The following PTPRO variants were observed in gnomAD, a reference collection of about 807,000 sequenced individuals.
The protein encoded by PTPRO is protein tyrosine phosphatase receptor type O.
In PTPRO, 62 loss-of-function variants were observed where a neutral mutation model predicts 145.2. The ratio of observed to expected loss-of-function variants is 0.43; its 90% confidence interval spans 0.35 to 0.53. The LOEUF is 0.53. Among genes scored for constraint, PTPRO ranks in the 20% least tolerant of loss-of-function variants. The pLI, the probability that PTPRO is intolerant of heterozygous loss-of-function variation, is 0.01. For missense variants in PTPRO, 1,345 were observed against 1,482.7 expected, an observed-to-expected ratio of 0.91 and a Z score of 1.53; for synonymous variants, 565 against 514.7, an observed-to-expected ratio of 1.10 and a Z score of -1.32.
chr12:15,555,335 A>G (rs1388401544), intron 15 of PTPRO, among the ~76,000 whole-genome samples: 1 of 152,210 alleles, frequency 6.6e-6, no homozygotes, highest in African/African-American at 2.4e-5. Context: ...AAGGCCCTGC[A>G]TTAATCACTG....
intron 12 of PTPRO, among the ~76,000 whole-genome samples, chr12:15,529,515 T>C (rs1199223226): frequency 6.6e-6 from 1 of 150,604 alleles, no homozygotes; most frequent in Non-Finnish European, 1.5e-5. Flanking sequence ...TGGTGACACA[T>C]GCCTGTGGTC....
intron 12 of PTPRO, among the ~76,000 whole-genome samples, chr12:15,529,706 CT>C (rs1241114964): frequency 4.6e-5 from 7 of 152,020 alleles, no homozygotes; most frequent in Non-Finnish European, 1.0e-4. Flanking sequence ...TTTTATAAGC[CT>C]TGTGGTAACC....
chr12:15,398,077 C>T (rs1194956216), intron 1 of PTPRO, among the ~76,000 whole-genome samples: 1 of 152,100 alleles, frequency 6.6e-6, no homozygotes, highest in Non-Finnish European at 1.5e-5. Context: ...CAGTGCTGCT[C>T]CCATCTTTAA....
chr12:15,585,600 C>A (rs1034985964), intron 23 of PTPRO, among the ~76,000 whole-genome samples: 3 of 152,046 alleles, frequency 2.0e-5, no homozygotes, highest in African/African-American at 7.2e-5. Flanking sequence ...TGTCCAAGAC[C>A]ACTGACTCTT....
At chr12:15,330,209 A>G (rs1468311585) in intron 1 of PTPRO, among the ~76,000 whole-genome samples, 2 of 152,234 alleles carry the variant, frequency 1.3e-5, no homozygotes, top group South Asian at 2.1e-4. Flanking sequence ...TTAAACTAGT[A>G]GCAGGTTGTT....
chr12:15,557,237 C>T (rs1000228562), intron 15 of PTPRO, among the ~76,000 whole-genome samples: 18 of 152,058 alleles, frequency 1.2e-4, no homozygotes, highest in African/African-American at 4.3e-4. Flanking sequence ...GACAGGGTTT[C>T]GCCATGTTGG....
intron 10 of PTPRO, among the ~76,000 whole-genome samples, chr12:15,524,034 G>A (rs971031357): frequency 6.6e-6 from 1 of 151,504 alleles, no homozygotes; most frequent in Admixed American, 6.6e-5. Context: ...GGACTCAAGC[G>A]ATCCACCCAC....
intron 19 of PTPRO, among the ~76,000 whole-genome samples, chr12:15,571,392 A>G (rs1368732540): frequency 6.6e-6 from 1 of 152,132 alleles, no homozygotes; most frequent in Admixed American, 6.5e-5. Flanking sequence ...GGTTCAAGTG[A>G]TTCTCCTGCC....
At position 15,569,476 on chromosome 12, in the gene PTPRO, A is replaced by G; in HGVS notation, c.2807A>G (p.Tyr936Cys). The G allele has an allele frequency of 6.2e-7, 1 of 1,613,466 alleles. No individual in the cohort carries two copies. The highest frequency in any genetic ancestry group is 8.5e-7 in the Non-Finnish European group (1 of 1,179,482). The change falls in exon 19 of 27, where the codon TAT becomes TGT. Residue 936 changes from tyrosine (Y) to cysteine (C), a missense_variant. Transcript: ENST00000281171. ...YIKDMAKDSD[Y>C]KFSLQFEELK... The stretch of plus-strand genomic sequence containing the variant: ...AAGGATATGGCCAAAGACTCTGACT[A>G]TAAATTTTCTCTTCAGTTTGAGGTG...
intron 17 of PTPRO, among the ~76,000 whole-genome samples, chr12:15,562,480 T>A (rs1437489323): frequency 6.6e-6 from 1 of 152,182 alleles, no homozygotes; most frequent in African/African-American, 2.4e-5. Context: ...TGGAAATATA[T>A]GTTCCTGTTG....
chr12:15,329,163 G>A (rs1017780322), intron 1 of PTPRO, among the ~76,000 whole-genome samples: 3 of 152,090 alleles, frequency 2.0e-5, no homozygotes, highest in African/African-American at 7.2e-5. Context: ...ACCCGCCATT[G>A]ACCAAATTAA....
chr12:15,504,656 G>C (rs1020744442), intron 6 of PTPRO, among the ~76,000 whole-genome samples: 1 of 152,128 alleles, frequency 6.6e-6, no homozygotes, highest in Non-Finnish European at 1.5e-5. Flanking sequence ...CCTCTATAAC[G>C]TGTTTAGCTA....
At chr12:15,420,010 G>A (rs1447095919) in intron 1 of PTPRO, among the ~76,000 whole-genome samples, 2 of 151,454 alleles carry the variant, frequency 1.3e-5, no homozygotes, top group East Asian at 3.9e-4. Flanking sequence ...AGCTGGGCGC[G>A]GTGGCGGGCG....
At chr12:15,497,190 CG>C in intron 2 of PTPRO, 54 bp from the exon 3 acceptor site, 1 of 1,452,036 alleles carries the variant, frequency 6.9e-7, no homozygotes. Context: ...GTATTGATAT[CG>C]GCCTTTCTCT....
chr12:15,392,720 CAAAAAAAA>C (rs1177789187), intron 1 of PTPRO, among the ~76,000 whole-genome samples: 96 of 66,686 alleles, frequency 1.4e-3, no homozygotes, highest in East Asian at 0.012. Flanking sequence ...GACCCTGTCT[CAAAAAAAA>C]AAAAAAAAAA....
chr12:15,559,099 A>G (rs770953258), intron 16 of PTPRO, among the ~76,000 whole-genome samples: 9 of 152,146 alleles, frequency 5.9e-5, no homozygotes, highest in Non-Finnish European at 1.3e-4. Flanking sequence ...CCATCTAGGA[A>G]CCAATCCAAT....
At chr12:15,499,308 T>G in intron 3 of PTPRO, 134 bp from the exon 4 acceptor site, 1 of 910,112 alleles carries the variant, frequency 1.1e-6, no homozygotes, top group East Asian at 2.6e-5. Context: ...CTACTAACTC[T>G]TTATTACTGC....
intron 17 of PTPRO, among the ~76,000 whole-genome samples, chr12:15,564,342 A>G (rs1056235467): frequency 6.6e-6 from 1 of 152,226 alleles, no homozygotes; most frequent in African/African-American, 2.4e-5. Flanking sequence ...GCCCAAGTCT[A>G]GTATTCAATT....
At chr12:15,587,151 TTAAA>T (rs1309663307) in intron 24 of PTPRO, 100 bp downstream of exon 24, 1 of 1,298,484 alleles carries the variant, frequency 7.7e-7, no homozygotes, top group Non-Finnish European at 1.1e-6. Flanking sequence ...TAGTTGAAAA[TTAAA>T]TAAACTCTGA....
Sources: allele counts gnomAD v4.1 joint callset (sites outside exome capture counted in the v4.1 genomes callset), GRCh38; gene constraint gnomAD v4.1.1; transcripts MANE v1.5; gene names NCBI Gene and HGNC (gene_info 2026-07-23, HGNC 2026-07-21).